The following P3H3 variants were observed in gnomAD, a reference collection of about 807,000 sequenced individuals.
The protein encoded by P3H3 is prolyl 3-hydroxylase 3.
Under a neutral mutation model 78.1 loss-of-function variants are expected in P3H3, and 64 were observed. The observed-to-expected ratio is 0.82, with a 90% CI of 0.67 to 1.01. The LOEUF (loss-of-function observed/expected upper bound fraction) is 1.01. Ranked by LOEUF, P3H3 falls within the 50% of genes least tolerant of loss-of-function variation. The probability of loss-of-function intolerance (pLI) is 0.00; values close to 1 mark genes in which losing one functional copy is unlikely to be tolerated. For missense variants in P3H3, 975 were observed against 982.2 expected (o/e 0.99, Z 0.10); for synonymous variants, 425 against 416.7 (o/e 1.02, Z -0.24).
intron 10 of P3H3, 42 bp from the exon 11 acceptor site, chr12:6,837,381 C>A (rs4963510): frequency 0.59 from 929,631 of 1,582,406 alleles, 275,851 homozygotes; most frequent in East Asian, 0.76. Flanking sequence ...CCACCCTCCC[C>A]TTGCCTTCCT....
rs536565960 is a variant in P3H3, at chr12:6,830,523, G to A, written c.822G>A (p.Ala274=). The part of the protein sequence containing the change: ...QGAEEEEDGA[A]SQGGLYEAIA... ...CTGAAGAAGAGGAGGATGGGGCTGC[G>A]AGCCAGGGGGGCCTCTATGAGGCCA... The change falls in exon 3 of 15, where the codon GCG becomes GCA. Residue 274 remains alanine, a synonymous_variant. Transcript: ENST00000290510. The A allele has an allele frequency of 8.6e-5, 136 of 1,573,190 alleles. No homozygotes were observed. The highest frequency in any genetic ancestry group is 1.1e-4 in the Non-Finnish European group (122 of 1,159,930).
chr12:6,836,359 G>A (rs1943496959), intron 9 of P3H3, among the ~76,000 whole-genome samples: 1 of 152,080 alleles, frequency 6.6e-6, no homozygotes, highest in Non-Finnish European at 1.5e-5. Flanking sequence ...ACAAAAAACG[G>A]GTGTCAGAAA....
chr12:6,832,592 G>GT (rs1264805936), intron 6 of P3H3, among the ~76,000 whole-genome samples: 106 of 151,862 alleles, frequency 7.0e-4, no homozygotes, highest in African/African-American at 2.5e-3. Flanking sequence ...TCTGAAGCTA[G>GT]TTTTTTTTAT....
At chr12:6,836,947 T>C in intron 9 of P3H3, 38 bp from the exon 10 acceptor site, 1 of 1,500,336 alleles carries the variant, frequency 6.7e-7, no homozygotes, top group Non-Finnish European at 9.2e-7. Context: ...AGTGAGGGGC[T>C]GGGGGAGTGA....
chr12:6,837,506 C>A lies in P3H3; in HGVS notation c.1644C>A (p.Ala548=), dbSNP rs1943510963. 6.2e-7 allele frequency: 1 copy of A among 1,611,904 alleles called. No individual in the cohort carries two copies. Among genetic ancestry groups the A allele is most frequent in the East Asian group, 2.2e-5 (1 of 44,790 alleles). Residue 548 remains alanine (A), a synonymous_variant, in exon 11 of 15, where the codon GCC becomes GCA. Transcript: ENST00000290510. ...AGCGGGTGCGGACCTTGACCCAGGC[C>A]TACTTCTCCCCGGAACGGCCCCTGC... ...VSERVRTLTQ[A]YFSPERPLHL... is the part of the protein sequence containing the mutation.
In P3H3 at chr12:6,833,795, T is replaced by C. The variant is rs1555121752; in HGVS notation, c.1319T>C (p.Leu440Ser). ...WDHEPVKPKPLTYWKDVLLLE... is the reference protein window; with the variant it reads ...WDHEPVKPKPSTYWKDVLLLE... ...CATGAGCCCGTGAAGCCAAAGCCCT[T>C]GACCTACTGGAAGGGTGAGTTCCTG... is the stretch of plus-strand genomic sequence containing the variant. The change falls in exon 8 of 15, where the codon TTG (leucine) becomes TCG (serine). Residue 440 changes from leucine to serine, a missense_variant. Coordinates refer to ENST00000290510, the MANE Select transcript of P3H3 (RefSeq NM_014262.5). The C allele has an allele frequency of 6.2e-7, 1 of 1,612,174 alleles. No homozygotes were observed. The highest frequency in any genetic ancestry group is 1.7e-5 in the Admixed American group (1 of 60,016).
intron 13 of P3H3, among the ~76,000 whole-genome samples, chr12:6,838,380 G>A (rs1350886483): frequency 6.6e-6 from 1 of 152,168 alleles, no homozygotes; most frequent in African/African-American, 2.4e-5. Context: ...AGATACCAGG[G>A]CCGCCTTGAC....
At position 6,829,655 on chromosome 12, in the gene P3H3, G is replaced by C. The variant is rs1555120986; in HGVS notation, c.499-204G>C. On this transcript the variant is annotated intron_variant, in intron 1 of 14. Transcript: ENST00000290510. The surrounding 1 kb of genome is among the most constrained non-coding windows in gnomAD (Gnocchi z 5.1). ...GACGTCTTTAGATCCCCTTTCCCTC[G>C]GTGCCAGCCTTCTGAGAGTCCCAAC... 12 of 594,206 alleles carry C rather than the reference G, an allele frequency of 2.0e-5. No homozygotes were observed. The allele number at this position is 594,206 out of a possible 1,614,324, so 36.8% of individuals were successfully genotyped here.
At position 6,829,128 on chromosome 12, in the gene P3H3, C is replaced by G. The variant is rs983797395; in HGVS notation, c.498+190C>G. ...CCTCTTGAGATCGCAGAGGAGCAGC[C>G]GAGGGGGAGTGCGAGCAGAATGGGA... On this transcript the variant is annotated intron_variant, in intron 1 of 14. Coordinates refer to ENST00000290510, the MANE Select transcript of P3H3 (RefSeq NM_014262.5). This position sits in a 1 kb window ranked among gnomAD's most constrained non-coding sequence, Gnocchi z 5.1. The G allele has an allele frequency of 1.2e-5, 5 of 400,516 alleles. No homozygotes were observed. Among genetic ancestry groups the G allele is most frequent in the African/African-American group, 1.0e-4 (5 of 48,518 alleles). 24.8% of individuals were successfully genotyped at this position (400,516 alleles called of 1,614,324 possible).
intron 13 of P3H3, 142 bp downstream of exon 13, chr12:6,838,175 G>A (rs556938640): frequency 1.2e-5 from 13 of 1,110,548 alleles, no homozygotes; most frequent in African/African-American, 1.6e-5. Context: ...CAGCCCTCCC[G>A]CTGCTTCCTC....
chr12:6,833,911 CT>C lies in P3H3; in HGVS notation c.1334-10del, dbSNP rs782763885. 1 of 1,614,012 alleles carries C rather than the reference CT, an allele frequency of 6.2e-7. No homozygotes were observed. The highest frequency in any genetic ancestry group is 8.5e-7 in the Non-Finnish European group (1 of 1,179,902). On this transcript the variant is annotated splice_polypyrimidine_tract_variant and intron_variant, in intron 8 of 14. Coordinates refer to ENST00000290510, the MANE Select transcript of P3H3 (RefSeq NM_014262.5). The stretch of plus-strand genomic sequence containing the variant: ...GGATGCTCAGCCCCCTCTGCTCTGT[CT>C]TTTCCCTGGCAGATGTCCTTCTCCT...
Position 6,831,117 on chromosome 12 carries a change from C to A in P3H3, c.986-99C>A. ...GGGGCTCTTGGAGTTAGCTGTCTGG[C>A]CTCTGGAGACCACCTTCTCCAGCAC... On this transcript the variant is annotated intron_variant, in intron 4 of 14. Coordinates refer to ENST00000290510, the MANE Select transcript of P3H3 (RefSeq NM_014262.5). This position sits in a 1 kb window ranked among gnomAD's most constrained non-coding sequence, Gnocchi z 4.6. The A allele has an allele frequency of 2.0e-6, 3 of 1,479,268 alleles. No individual in the cohort carries two copies. Among genetic ancestry groups the A allele is most frequent in the East Asian group, 2.3e-5 (1 of 44,220 alleles). 91.6% of individuals were successfully genotyped at this position (1,479,268 alleles called of 1,614,324 possible). A position where few individuals can be genotyped will look rare whatever the true frequency, so the allele number is the denominator to read the frequency against.
intron 6 of P3H3, among the ~76,000 whole-genome samples, chr12:6,833,072 T>C (rs1217071159): frequency 6.6e-6 from 1 of 151,792 alleles, no homozygotes; most frequent in Non-Finnish European, 1.5e-5. Flanking sequence ...CTACCTGGGA[T>C]GCTGAGGCAG....
chr12:6,836,358 G>A (rs781936789), intron 9 of P3H3, among the ~76,000 whole-genome samples: 1 of 152,008 alleles, frequency 6.6e-6, no homozygotes, highest in Non-Finnish European at 1.5e-5. Flanking sequence ...GACAAAAAAC[G>A]GGTGTCAGAA....
intron 13 of P3H3, 110 bp from the exon 14 acceptor site, chr12:6,838,890 G>A (rs1050279205): frequency 2.8e-5 from 25 of 896,216 alleles, no homozygotes; most frequent in East Asian, 1.1e-4. Flanking sequence ...AAGTGGTAGC[G>A]AGAGAGCTGA....
rs1555120768 is a variant in P3H3 at position 6,828,495 on chromosome 12, TC to T, written c.59del (p.Pro20LeufsTer6). 4.6e-6 allele frequency: 6 copies of T among 1,314,218 alleles called. No individual in the cohort carries two copies. The highest frequency in any genetic ancestry group is 5.0e-6 in the Non-Finnish European group (5 of 991,880). The allele number at this position is 1,314,218 out of a possible 1,614,324, so 81.4% of individuals were successfully genotyped here. A position where few individuals can be genotyped will look rare whatever the true frequency, so the allele number is the denominator to read the frequency against. On this transcript the variant is annotated frameshift_variant, in exon 1 of 15. Coordinates refer to ENST00000290510, the MANE Select transcript of P3H3 (RefSeq NM_014262.5). LOFTEE classifies it high-confidence loss of function. ...ACTGCTGCTGCTGCCTCCCCCGGGG[TC>T]CCCTGAGCCCCCCGGCCTGACCCAG... Reference protein sequence around the residue: ...LLLLLLPPPGSPEPPGLTQLS... With the variant: ...LLLLLLPPPGXPEPPGLTQLS...
chr12:6,834,246 G>T (rs1591580920), intron 9 of P3H3, among the ~76,000 whole-genome samples, 197 bp downstream of exon 9: 1 of 152,200 alleles, frequency 6.6e-6, no homozygotes, highest in Admixed American at 6.5e-5. Context: ...CTTTACAAAT[G>T]AATTTTGCTA....
chr12:6,829,307 T>C lies in P3H3; in HGVS notation c.498+369T>C, dbSNP rs1463607224. The C allele has an allele frequency of 4.1e-6, 1 of 241,630 alleles. No homozygotes were observed. The highest frequency in any genetic ancestry group is 7.9e-6 in the Non-Finnish European group (1 of 127,016). 15.0% of individuals were successfully genotyped at this position (241,630 alleles called of 1,614,324 possible). On this transcript the variant is annotated intron_variant, in intron 1 of 14. Transcript: ENST00000290510. This position sits in a 1 kb window ranked among gnomAD's most constrained non-coding sequence, Gnocchi z 5.1. The stretch of plus-strand genomic sequence containing the variant: ...TGTGTGTGTGTGTCGGGGGTGGTGG[T>C]GAGTGTGAACCTTCGCTTGGGGCAG...
chr12:6,831,965 AT>A lies in P3H3; in HGVS notation c.1212+52del. The A allele has an allele frequency of 1.9e-6, 2 of 1,050,536 alleles. No individual in the cohort carries two copies. Among genetic ancestry groups the A allele is most frequent in the African/African-American group, 3.2e-5 (2 of 62,938 alleles). 65.1% of individuals were successfully genotyped at this position (1,050,536 alleles called of 1,614,324 possible). ...TCACCCCTCCGCACTCCCAGGAGGG[AT>A]GGCACTTTGGTTTGCAACAGAGTTT... On this transcript the variant is annotated intron_variant, in intron 6 of 14. Transcript: ENST00000290510. This position sits in a 1 kb window ranked among gnomAD's most constrained non-coding sequence, Gnocchi z 4.6.
Sources: allele counts gnomAD v4.1 joint callset (sites outside exome capture counted in the v4.1 genomes callset), GRCh38; gene constraint gnomAD v4.1.1; non-coding constraint Gnocchi (gnomAD v3.1); transcripts MANE v1.5; gene names NCBI Gene and HGNC (gene_info 2026-07-23, HGNC 2026-07-21).